The following ANO4 variants were observed in gnomAD, a reference collection of about 807,000 sequenced individuals.
ANO4 encodes the protein anoctamin 4.
ANO4 carries 69 observed loss-of-function variants against 141.9 expected under a neutral mutation model. The observed-to-expected ratio is 0.49, with a 90% CI of 0.40 to 0.59. The LOEUF is 0.59. ANO4 is among the 20% of genes least tolerant of loss of function. The pLI is 0.00. For synonymous variants in ANO4, 350 were observed against 394.3 expected, an observed-to-expected ratio of 0.89 and a Z score of 1.33; for missense variants, 894 against 1,162.2, an observed-to-expected ratio of 0.77 and a Z score of 3.36.
intron 5 of ANO4, among the ~76,000 whole-genome samples, chr12:100,947,623 A>G (rs77578445): frequency 0.039 from 5,910 of 152,330 alleles, 161 homozygotes; most frequent in Non-Finnish European, 0.056. Context: ...ACACACATGC[A>G]TGAGCACATG....
chr12:101,120,158 C>T (rs1240608251), intron 25 of ANO4, among the ~76,000 whole-genome samples: 1 of 152,188 alleles, frequency 6.6e-6, no homozygotes, highest in Admixed American at 6.5e-5. Context: ...CAGGCTCTCT[C>T]TCTCCATACA....
In ANO4 at chr12:100,814,923, A is replaced by G. The variant is rs2135716288; in HGVS notation, c.-141+19896A>G. Among the ~76,000 whole-genome samples the G allele has an allele frequency of 1.3e-5, 2 of 152,192 alleles. 1 individual carries two copies. On this transcript the variant is annotated intron_variant, in intron 1 of 27. Transcript: ENST00000392977. ...GAGCTGCCGCTAAGAACAAAGTGGG[A>G]GAGGGGGCTGCAGGGAGATGGCCGC...
chr12:101,107,631 G>A (rs1277182283), intron 22 of ANO4, among the ~76,000 whole-genome samples: 1 of 152,154 alleles, frequency 6.6e-6, no homozygotes, highest in Non-Finnish European at 1.5e-5. Context: ...TGTTTTCTGT[G>A]TGGGGTGTAT....
At chr12:100,892,281 A>T (rs750345092) in intron 1 of ANO4, among the ~76,000 whole-genome samples, 9 of 152,232 alleles carry the variant, frequency 5.9e-5, no homozygotes, top group Non-Finnish European at 1.3e-4. Context: ...ATACTACAAC[A>T]TTTAAAGAGT....
At chr12:101,025,760 A>G (rs1484785456) in intron 9 of ANO4, among the ~76,000 whole-genome samples, 3 of 152,230 alleles carry the variant, frequency 2.0e-5, no homozygotes, top group African/African-American at 7.2e-5. Context: ...CTGGACTGCA[A>G]GGTTGGCTTA....
chr12:100,746,453 T>A (rs2032112659), intron 3 of ANO4, among the ~76,000 whole-genome samples: 2 of 146,912 alleles, frequency 1.4e-5, no homozygotes, highest in African/African-American at 2.5e-5. Context: ...ACTCTGTTAT[T>A]AAAAAGAATG....
chr12:100,743,096 C>A (rs1239965100), intron 3 of ANO4, among the ~76,000 whole-genome samples: 1 of 151,518 alleles, frequency 6.6e-6, no homozygotes. Flanking sequence ...TTAAGTAAGG[C>A]ATCACCTCTA....
intron 7 of ANO4, among the ~76,000 whole-genome samples, chr12:100,981,970 C>T (rs1490834094): frequency 6.6e-6 from 1 of 152,126 alleles, no homozygotes; most frequent in African/African-American, 2.4e-5. Context: ...GGGAAGCCAT[C>T]GCAGAGCTGG....
chr12:101,102,314 C>G (rs1315266552), intron 22 of ANO4, among the ~76,000 whole-genome samples: 1 of 152,122 alleles, frequency 6.6e-6, no homozygotes, highest in Non-Finnish European at 1.5e-5. Flanking sequence ...GTCTTCAAAA[C>G]TGGGCTGTGC....
intron 5 of ANO4, among the ~76,000 whole-genome samples, chr12:100,970,614 A>G (rs921750287): frequency 1.3e-5 from 2 of 151,296 alleles, no homozygotes; most frequent in Non-Finnish European, 2.9e-5. Context: ...CAGAACACTC[A>G]ATATTATCTG....
At chr12:100,872,980 G>A (rs2039107710) in intron 1 of ANO4, among the ~76,000 whole-genome samples, 1 of 152,150 alleles carries the variant, frequency 6.6e-6, no homozygotes, top group Non-Finnish European at 1.5e-5. Context: ...AGATCTGGTT[G>A]TTTAAAAGTG....
chr12:100,771,881 A>C (rs79033642), intron 3 of ANO4, among the ~76,000 whole-genome samples: 1,906 of 152,316 alleles, frequency 0.013, 25 homozygotes, highest in African/African-American at 0.043. Context: ...ACTGCCATAC[A>C]TCATTTGTGC....
intron 10 of ANO4, 63 bp downstream of exon 10, chr12:101,037,213 G>C: frequency 2.0e-6 from 3 of 1,520,784 alleles, no homozygotes; most frequent in Non-Finnish European, 2.7e-6. Context: ...TCAGCTTCTA[G>C]AGATAGTCAA....
intron 13 of ANO4, among the ~76,000 whole-genome samples, chr12:101,047,487 C>T (rs1045353370): frequency 1.3e-4 from 20 of 152,202 alleles, no homozygotes; most frequent in Admixed American, 4.6e-4. Context: ...AAATACTTCA[C>T]GTTCTGATAT....
intron 1 of ANO4, among the ~76,000 whole-genome samples, chr12:100,861,737 A>T (rs1246006557): frequency 6.6e-6 from 1 of 152,060 alleles, no homozygotes; most frequent in African/African-American, 2.4e-5. Context: ...AATGTTTTTG[A>T]CTCTTTTGTA....
chr12:100,813,067 A>G (rs1345504276), intron 1 of ANO4, among the ~76,000 whole-genome samples: 1 of 152,206 alleles, frequency 6.6e-6, no homozygotes, highest in Non-Finnish European at 1.5e-5. Context: ...GTAAGGGCCT[A>G]CAGTGTAGCT....
chr12:101,042,693 A>T (rs1195643185), intron 12 of ANO4, among the ~76,000 whole-genome samples: 1 of 152,214 alleles, frequency 6.6e-6, no homozygotes, highest in African/African-American at 2.4e-5. Context: ...TTTCAGACAT[A>T]CAAGCCACTA....
At chr12:101,021,644 C>A (rs772745010) in intron 9 of ANO4, among the ~76,000 whole-genome samples, 2 of 152,298 alleles carry the variant, frequency 1.3e-5, no homozygotes, top group South Asian at 4.1e-4. Flanking sequence ...AGCTGGCACT[C>A]AGCCAAATCC....
At chr12:100,986,267 G>T (rs992040634) in intron 7 of ANO4, among the ~76,000 whole-genome samples, 2 of 152,174 alleles carry the variant, frequency 1.3e-5, no homozygotes, top group African/African-American at 4.8e-5. Context: ...ACCTGATGGT[G>T]TAAGTCCCAT....
Sources: gnomAD v4.1 joint callset for allele counts (sites outside exome capture counted in the v4.1 genomes callset) on GRCh38, gnomAD v4.1.1 for gene constraint, MANE v1.5 for transcripts, NCBI Gene and HGNC (gene_info 2026-07-23, HGNC 2026-07-21) for gene names.